The following PAX2 variants were observed in gnomAD, a reference collection of about 807,000 sequenced individuals.
The protein encoded by PAX2 is paired box protein Pax-2.
PAX2 carries 9 observed loss-of-function variants against 41.7 expected under a neutral mutation model. The ratio of observed to expected loss-of-function variants is 0.22; its 90% CI spans 0.13 to 0.38. PAX2 has a LOEUF of 0.38. Ranked by LOEUF, PAX2 falls within the 10% of genes least tolerant of loss-of-function variation. PAX2 has a pLI of 1.00. For synonymous variants in PAX2, 221 were observed against 212.7 expected, an observed-to-expected ratio of 1.04 and a Z score of -0.34; for missense variants, 418 against 531.6, an observed-to-expected ratio of 0.79 and a Z score of 2.10.
intron 5 of PAX2, among the ~76,000 whole-genome samples, chr10:100,794,677 A>C (rs542053928): frequency 1.3e-5 from 2 of 152,314 alleles, no homozygotes; most frequent in Admixed American, 6.5e-5. Flanking sequence ...GGCACAGTAG[A>C]GCCTTGCCAC....
chr10:100,792,863 T>C (rs1172132762), intron 5 of PAX2, among the ~76,000 whole-genome samples: 1 of 152,200 alleles, frequency 6.6e-6, no homozygotes, highest in Non-Finnish European at 1.5e-5. Flanking sequence ...GCTCTCGCTG[T>C]TGTTCGACAG....
intron 3 of PAX2, among the ~76,000 whole-genome samples, chr10:100,768,436 C>T (rs750237599): frequency 1.5e-4 from 23 of 152,220 alleles, no homozygotes; most frequent in Middle Eastern, 3.4e-3. Flanking sequence ...TAAAATTCAC[C>T]GAAGCCTATA....
Position 100,806,472 on chromosome 10 carries a change from G to A in PAX2, c.659G>A (p.Gly220Asp). The change falls in exon 6 of 10, where the codon GGT (glycine) becomes GAT (aspartate). Residue 220 changes from glycine (G) to aspartate (D), a missense_variant. By Grantham distance (94) the Gly-to-Asp change is moderately conservative. Coordinates refer to ENST00000355243, the MANE Select transcript of PAX2 (RefSeq NM_000278.5). ...GTCCCCAATGGAGATTCCCAGAGTG[G>A]TGTGGACAGTTTGCGGAAGCACTTG... ...GSVPNGDSQS[G>D]VDSLRKHLRA... 6.2e-7 allele frequency: 1 copy of A among 1,614,226 alleles called. No individual in the cohort carries two copies. Among genetic ancestry groups the A allele is most frequent in the Non-Finnish European group, 8.5e-7 (1 of 1,180,038 alleles).
chr10:100,759,907 C>G (rs1000560618), intron 3 of PAX2, among the ~76,000 whole-genome samples: 3 of 152,142 alleles, frequency 2.0e-5, no homozygotes, highest in Non-Finnish European at 4.4e-5. Flanking sequence ...AACTGCCCAG[C>G]CCATACCTGG....
intron 5 of PAX2, among the ~76,000 whole-genome samples, chr10:100,793,361 C>T (rs540175311): frequency 4.6e-5 from 7 of 152,374 alleles, no homozygotes; most frequent in East Asian, 1.9e-4. Context: ...CCTTCCTCCC[C>T]GGGTCTGTCC....
intron 3 of PAX2, among the ~76,000 whole-genome samples, chr10:100,768,648 A>G (rs1353899663): frequency 6.6e-6 from 1 of 152,238 alleles, no homozygotes; most frequent in African/African-American, 2.4e-5. Context: ...GTTCATGTCC[A>G]AATAGTTAAT....
Position 100,824,663 on chromosome 10 carries a change from GCA to G in PAX2, c.937_938del (p.Thr313HisfsTer63), listed in dbSNP as rs1182014877. 1 of 1,608,768 alleles carries G rather than the reference GCA, an allele frequency of 6.2e-7. No homozygotes were observed. On this transcript the variant is annotated frameshift_variant, in exon 8 of 10. Coordinates refer to ENST00000355243, the MANE Select transcript of PAX2 (RefSeq NM_000278.5). LOFTEE classifies it high-confidence loss of function. This position sits in a 1 kb window ranked among gnomAD's most constrained non-coding sequence, Gnocchi z 6.6. ...GTTTTTCCAGGTCGTGACATGGCGAGCACCACTCTGCCTGGTTACCCCCCTCA... is the reference window on the plus strand; with the variant it reads ...GTTTTTCCAGGTCGTGACATGGCGAGCCACTCTGCCTGGTTACCCCCCTCA...
intron 1 of PAX2, 139 bp from the exon 2 acceptor site, chr10:100,749,607 C>T: frequency 7.6e-6 from 11 of 1,451,312 alleles, no homozygotes; most frequent in Admixed American, 5.3e-5. Context: ...CGTGGAGGTC[C>T]ACCACCTTTC....
chr10:100,813,940 T>G (rs1848092472), intron 7 of PAX2, among the ~76,000 whole-genome samples: 1 of 151,866 alleles, frequency 6.6e-6, no homozygotes, highest in African/African-American at 2.4e-5. Flanking sequence ...AATACAAACT[T>G]TCAAAAGGGA....
chr10:100,799,854 A>T (rs1847483432), intron 5 of PAX2, among the ~76,000 whole-genome samples: 1 of 142,534 alleles, frequency 7.0e-6, no homozygotes, highest in Non-Finnish European at 1.5e-5. Flanking sequence ...GCATGATCTC[A>T]ACTCACTGCA....
chr10:100,800,990 G>A lies in PAX2; in HGVS notation c.617-5440G>A, dbSNP rs113383137. 5.3e-3 allele frequency among the ~76,000 whole-genome samples: 810 copies of A among 152,338 alleles called. 6 individuals are homozygous for A. Among genetic ancestry groups the A allele is most frequent in the African/African-American group, 0.019 (775 of 41,568 alleles). Reference sequence around the variant, plus strand: ...GGGAAGTAACCACTGTCACCATGCCGGCAGCTCTCCTTCCAGTCAAGTTGA... The same window carrying A: ...GGGAAGTAACCACTGTCACCATGCCAGCAGCTCTCCTTCCAGTCAAGTTGA... On this transcript the variant is annotated intron_variant, in intron 5 of 9. Coordinates refer to ENST00000355243, the MANE Select transcript of PAX2 (RefSeq NM_000278.5).
chr10:100,826,805 G>A lies in PAX2; in HGVS notation c.1022-204G>A, dbSNP rs796345029. Among the ~76,000 whole-genome samples the A allele has an allele frequency of 2.6e-5, 4 of 152,308 alleles. No homozygotes were observed. Among genetic ancestry groups the A allele is most frequent in the African/African-American group, 9.6e-5 (4 of 41,582 alleles). On this transcript the variant is annotated intron_variant, in intron 8 of 9. Coordinates refer to ENST00000355243, the MANE Select transcript of PAX2 (RefSeq NM_000278.5). This position sits in a 1 kb window ranked among gnomAD's most constrained non-coding sequence, Gnocchi z 5.5. ...CCCGTGGGTGTGCGAGCGCGTCGGTGCCTCCCGCCTCCCCGGGCTCTCTCC... is the reference window on the plus strand; with the variant it reads ...CCCGTGGGTGTGCGAGCGCGTCGGTACCTCCCGCCTCCCCGGGCTCTCTCC...
Position 100,735,716 on chromosome 10 carries a change from AGC to A in PAX2, c.14_15del (p.Ala5GlyfsTer42). 9.5e-7 allele frequency: 1 copy of A among 1,047,894 alleles called. No individual in the cohort carries two copies. Among genetic ancestry groups the A allele is most frequent in the African/African-American group, 1.7e-5 (1 of 59,952 alleles). 64.9% of individuals were successfully genotyped at this position (1,047,894 alleles called of 1,614,324 possible). The stretch of plus-strand genomic sequence containing the variant: ...GGCCGCGGGGAGCCTAGCATGGAAG[AGC>A]GCGCGGGTCCGGCAGGTAAGAGCGG... On this transcript the variant is annotated frameshift_variant, in exon 1 of 10. Transcript: ENST00000679374. LOFTEE classifies it high-confidence loss of function.
At chr10:100,780,612 G>A (rs956135644) in intron 4 of PAX2, among the ~76,000 whole-genome samples, 1 of 152,188 alleles carries the variant, frequency 6.6e-6, no homozygotes, top group African/African-American at 2.4e-5. Context: ...CTTGCCCTAA[G>A]GGGGAAATTA....
chr10:100,788,534 C>T (rs896215512), intron 5 of PAX2, among the ~76,000 whole-genome samples: 1 of 152,182 alleles, frequency 6.6e-6, no homozygotes, highest in African/African-American at 2.4e-5. Flanking sequence ...GTGAGCGCTC[C>T]TTGGTGGGCT....
At chr10:100,777,481 G>A (rs1405440900) in intron 3 of PAX2, among the ~76,000 whole-genome samples, 2 of 147,164 alleles carry the variant, frequency 1.4e-5, no homozygotes, top group Non-Finnish European at 3.0e-5. Context: ...TGCAACCTCC[G>A]CCTCCCGGGT....
chr10:100,818,546 A>G (rs1024628943), intron 7 of PAX2, among the ~76,000 whole-genome samples: 12 of 152,048 alleles, frequency 7.9e-5, no homozygotes, highest in Non-Finnish European at 1.5e-4. Context: ...TGAGAATATG[A>G]TAAAAGTCAT....
chr10:100,821,201 T>C (rs954721085), intron 7 of PAX2, among the ~76,000 whole-genome samples: 2 of 152,248 alleles, frequency 1.3e-5, no homozygotes, highest in African/African-American at 2.4e-5. Context: ...TTATTGACAA[T>C]GGTGTTCCAG....
chr10:100,791,029 G>A lies in PAX2; in HGVS notation c.616+9664G>A, dbSNP rs1233639199. 6.6e-6 allele frequency among the ~76,000 whole-genome samples: 1 copy of A among 152,154 alleles called. No individual in the cohort carries two copies. The highest frequency in any genetic ancestry group is 1.9e-4 in the East Asian group (1 of 5,194). On this transcript the variant is annotated intron_variant, in intron 5 of 9. Transcript: ENST00000355243. The surrounding 1 kb of genome is among the most constrained non-coding windows in gnomAD (Gnocchi z 4.5). ...ACCTTGACAGCACTAGACAACAGAGGCCTCACAAACCTCAACCTGCACGGA... is the reference window on the plus strand; with the variant it reads ...ACCTTGACAGCACTAGACAACAGAGACCTCACAAACCTCAACCTGCACGGA...
Sources: gnomAD v4.1 joint callset for allele counts (sites outside exome capture counted in the v4.1 genomes callset) on GRCh38, gnomAD v4.1.1 for gene constraint, Gnocchi (gnomAD v3.1) non-coding constraint, MANE v1.5 for transcripts, NCBI Gene and HGNC (gene_info 2026-07-23, HGNC 2026-07-21) for gene names.